Variants in VSNL1 observed in about 807,000 individuals in gnomAD.
VSNL1 encodes the protein visinin-like protein 1.
VSNL1 carries 6 observed loss-of-function variants against 20.4 expected under a neutral mutation model. The ratio of observed to expected loss-of-function variants is 0.29; its 90% CI spans 0.16 to 0.58. The LOEUF (loss-of-function observed/expected upper bound fraction) is 0.58. Among genes scored for constraint, VSNL1 ranks in the 20% least tolerant of loss-of-function variants. The pLI is 0.90. For synonymous variants in VSNL1, 93 were observed against 86.4 expected, an observed-to-expected ratio of 1.08 and a Z score of -0.42; for missense variants, 100 against 234.5, an observed-to-expected ratio of 0.43 and a Z score of 3.75.
chr2:17,643,403 G>T (rs2103424093), intron 2 of VSNL1, among the ~76,000 whole-genome samples: 1 of 152,318 alleles, frequency 6.6e-6, no homozygotes, highest in Non-Finnish European at 1.5e-5. Context: ...AGGCCAAGTG[G>T]TGAGCCTTCT....
intron 1 of VSNL1, among the ~76,000 whole-genome samples, chr2:17,578,962 T>A (rs1664283573): frequency 6.6e-6 from 1 of 152,216 alleles, no homozygotes; most frequent in Non-Finnish European, 1.5e-5. Context: ...TGCTTCTCCT[T>A]CTACGCAACT....
At chr2:17,549,507 T>C (rs1171631754) in intron 1 of VSNL1, among the ~76,000 whole-genome samples, 2 of 152,234 alleles carry the variant, frequency 1.3e-5, no homozygotes, top group African/African-American at 4.8e-5. Flanking sequence ...AATCATTACT[T>C]ACAAGACAGC....
intron 2 of VSNL1, among the ~76,000 whole-genome samples, chr2:17,630,981 C>T (rs1665615499): frequency 6.6e-6 from 1 of 152,146 alleles, no homozygotes; most frequent in Admixed American, 6.5e-5. Flanking sequence ...GGAGTTTCAC[C>T]ATGTTGGCCA....
At chr2:17,585,461 C>A (rs1664448086) in intron 1 of VSNL1, among the ~76,000 whole-genome samples, 1 of 151,754 alleles carries the variant, frequency 6.6e-6, no homozygotes, top group East Asian at 1.9e-4. Context: ...TCTCTGGAAA[C>A]CAGCAATCCG....
chr2:17,619,028 G>A (rs773116065), intron 2 of VSNL1, among the ~76,000 whole-genome samples: 4 of 152,180 alleles, frequency 2.6e-5, no homozygotes, highest in Non-Finnish European at 5.9e-5. Flanking sequence ...ACAGTCAGGG[G>A]CGAAGGAAGA....
chr2:17,587,394 C>CACACACACACACAT (rs546861051), intron 1 of VSNL1, among the ~76,000 whole-genome samples: 4 of 144,582 alleles, frequency 2.8e-5, no homozygotes, highest in African/African-American at 7.6e-5. Context: ...CACACACACA[C>CACACACACACACAT]ATATATTTTG....
chr2:17,595,948 G>A (rs889615569), intron 2 of VSNL1, among the ~76,000 whole-genome samples: 8 of 152,176 alleles, frequency 5.3e-5, no homozygotes, highest in African/African-American at 1.7e-4. Flanking sequence ...GCTGTATAAC[G>A]TTATATTGTT....
chr2:17,608,480 C>G (rs1558298361), intron 2 of VSNL1, among the ~76,000 whole-genome samples: 1 of 152,198 alleles, frequency 6.6e-6, no homozygotes, highest in Non-Finnish European at 1.5e-5. Flanking sequence ...GGGTAACCCA[C>G]TGGATGAAGC....
chr2:17,576,779 C>T (rs1664225931), intron 1 of VSNL1, among the ~76,000 whole-genome samples: 1 of 152,072 alleles, frequency 6.6e-6, no homozygotes, highest in African/African-American at 2.4e-5. Flanking sequence ...TTTAGAGAGT[C>T]CATCTTGACC....
chr2:17,605,896 T>C lies in VSNL1; in HGVS notation c.162+13660T>C, dbSNP rs1393016016. Among the ~76,000 whole-genome samples, 6 of 152,220 alleles carry C rather than the reference T, an allele frequency of 3.9e-5. No individual in the cohort carries two copies. In the South Asian group the frequency reaches 1.2e-3, roughly 31 times the overall value. ...GTAAATCAAAGGATGACTAGATGCA[T>C]AGATGAATAATAGACAGAGAATACT... On this transcript the variant is annotated intron_variant, in intron 2 of 3. Transcript: ENST00000295156.
chr2:17,617,922 CT>C (rs1448135803), intron 2 of VSNL1, among the ~76,000 whole-genome samples: 1 of 152,178 alleles, frequency 6.6e-6, no homozygotes, highest in Non-Finnish European at 1.5e-5. Context: ...CCACCTTACA[CT>C]TTTTCCTCTA....
At position 17,617,655 on chromosome 2, in the gene VSNL1, G is replaced by A. The variant is rs571368532; in HGVS notation, c.162+25419G>A. Reference sequence around the variant, plus strand: ...CCCCAGCCAGGGTGGGACCCTGCCAGGGTGTGGTGCTGCCGAGAGCTGGGT... The same window carrying A: ...CCCCAGCCAGGGTGGGACCCTGCCAAGGTGTGGTGCTGCCGAGAGCTGGGT... On this transcript the variant is annotated intron_variant, in intron 2 of 3. Coordinates refer to ENST00000295156, the MANE Select transcript of VSNL1 (RefSeq NM_003385.5). Among the ~76,000 whole-genome samples the A allele has an allele frequency of 2.0e-5, 3 of 152,268 alleles. No homozygotes were observed. In the South Asian group the frequency reaches 6.2e-4, roughly 32 times the overall value.
At chr2:17,571,660 G>C (rs916735660) in intron 1 of VSNL1, among the ~76,000 whole-genome samples, 3 of 152,138 alleles carry the variant, frequency 2.0e-5, no homozygotes, top group Non-Finnish European at 2.9e-5. Flanking sequence ...GACAGACCAG[G>C]TTCCTGCCCT....
At chr2:17,644,777 C>G (rs1250782991) in intron 2 of VSNL1, among the ~76,000 whole-genome samples, 1 of 152,218 alleles carries the variant, frequency 6.6e-6, no homozygotes, top group African/African-American at 2.4e-5. Context: ...ACTACTGTCT[C>G]AGTAGCAGGG....
Position 17,634,619 on chromosome 2 carries a change from C to T in VSNL1, c.163-14791C>T, listed in dbSNP as rs569907938. Among the ~76,000 whole-genome samples, 1 of 152,336 alleles carries T rather than the reference C, an allele frequency of 6.6e-6. No homozygotes were observed. The highest frequency in any genetic ancestry group is 6.5e-5 in the Admixed American group (1 of 15,306). On this transcript the variant is annotated intron_variant, in intron 2 of 3. Transcript: ENST00000295156. This position sits in a 1 kb window ranked among gnomAD's most constrained non-coding sequence, Gnocchi z 4.3. Reference sequence around the variant, plus strand: ...CCTTCCCGTCCCCTGACACCCTCATCTCTCCTCTGAGATCAGCAAAGTAAG... The same window carrying T: ...CCTTCCCGTCCCCTGACACCCTCATTTCTCCTCTGAGATCAGCAAAGTAAG...
Position 17,595,659 on chromosome 2 carries a change from T to C in VSNL1, c.162+3423T>C, listed in dbSNP as rs1383042928. On this transcript the variant is annotated intron_variant, in intron 2 of 3. Coordinates refer to ENST00000295156, the MANE Select transcript of VSNL1 (RefSeq NM_003385.5). ...GAATGGGACTGTATTTGCAGACAGA[T>C]CCTTTACAGAGGTAATAAAGTTAAA... 2.6e-5 allele frequency among the ~76,000 whole-genome samples: 4 copies of C among 152,282 alleles called. No homozygotes were observed. In the East Asian group the frequency reaches 5.8e-4, roughly 22 times the overall value.
At chr2:17,610,721 G>A (rs917645884) in intron 2 of VSNL1, among the ~76,000 whole-genome samples, 9 of 152,142 alleles carry the variant, frequency 5.9e-5, no homozygotes, top group Admixed American at 2.0e-4. Context: ...AACATGATGC[G>A]GATTGCGATG....
At chr2:17,597,170 T>G (rs780171989) in intron 2 of VSNL1, among the ~76,000 whole-genome samples, 36 of 152,194 alleles carry the variant, frequency 2.4e-4, no homozygotes, top group Admixed American at 8.5e-4. Context: ...TGAGGCAGTG[T>G]CATCCCTATT....
chr2:17,562,585 T>G (rs1663842686), intron 1 of VSNL1, among the ~76,000 whole-genome samples: 1 of 152,168 alleles, frequency 6.6e-6, no homozygotes, highest in East Asian at 1.9e-4. Flanking sequence ...AGTATGCCCT[T>G]AGGTTTAAAA....
Sources: allele counts gnomAD v4.1 joint callset (sites outside exome capture counted in the v4.1 genomes callset), GRCh38; gene constraint gnomAD v4.1.1; non-coding constraint Gnocchi (gnomAD v3.1); transcripts MANE v1.5; gene names NCBI Gene and HGNC (gene_info 2026-07-23, HGNC 2026-07-21).